Variants in BTNL2 observed in about 807,000 individuals in gnomAD.
BTNL2 encodes butyrophilin like 2, also known as butyrophilin-like protein 2.
In BTNL2, 46 loss-of-function variants were observed where a neutral mutation model predicts 46.8. The ratio of observed to expected loss-of-function variants is 0.98; its 90% CI spans 0.78 to 1.26. The LOEUF is 1.26. BTNL2 is among the 50% of genes most tolerant of loss of function. The pLI, the probability that BTNL2 is intolerant of heterozygous loss-of-function variation, is 0.00. For missense variants in BTNL2, 461 were observed against 592.6 expected (o/e 0.78, Z 2.31); for synonymous variants, 226 against 229.1 (o/e 0.99, Z 0.12).
chr6:32,393,892 G>T lies in BTNL2; in HGVS notation c.*6+71C>A, dbSNP rs998913469. The T allele has an allele frequency of 7.3e-6, 11 of 1,505,120 alleles. No homozygotes were observed. Among genetic ancestry groups the T allele is most frequent in the Non-Finnish European group, 8.9e-7 (1 of 1,125,932 alleles). The allele number at this position is 1,505,120 out of a possible 1,614,324, so 93.2% of individuals were successfully genotyped here. A position where few individuals can be genotyped will look rare whatever the true frequency, so the allele number is the denominator to read the frequency against. On this transcript the variant is annotated intron_variant, in intron 7 of 7. Coordinates refer to ENST00000454136, the MANE Select transcript of BTNL2 (RefSeq NM_001304561.2). The surrounding 1 kb of genome is among the most constrained non-coding windows in gnomAD (Gnocchi z 4.8). ...CCTCCCATAGGTGACTTGTGAAAAG[G>T]GAGGCTCGGGGAAGTACGCAGTACG... is the stretch of plus-strand genomic sequence containing the variant.
intron 5 of BTNL2, 87 bp downstream of exon 5, chr6:32,395,952 C>G: frequency 8.9e-7 from 1 of 1,128,334 alleles, no homozygotes. Context: ...AAGAAAATTT[C>G]AAATGTCAGA....
In BTNL2 at chr6:32,394,936, G is replaced by A; in HGVS notation, c.1168C>T (p.Pro390Ser). The A allele has an allele frequency of 6.2e-7, 1 of 1,614,178 alleles. No homozygotes were observed. The highest frequency in any genetic ancestry group is 1.1e-5 in the South Asian group (1 of 91,080). The change falls in exon 6 of 8, where the codon CCC (proline) becomes TCC (serine). Residue 390 changes from proline to serine, a missense_variant. Pro to Ser is a moderately conservative substitution (Grantham distance 74). Transcript: ENST00000454136. This position sits in a 1 kb window ranked among gnomAD's most constrained non-coding sequence, Gnocchi z 4.6. Reference sequence around the variant, plus strand: ...TCCATGTCCCTCCATGGCACGTGGGGCTGTGGGAACCACCCATCTGAAGAG... The same window carrying A: ...TCCATGTCCCTCCATGGCACGTGGGACTGTGGGAACCACCCATCTGAAGAG... ...MCSSDGWFPQ[P>S]HVPWRDMEGK...
intron 1 of BTNL2, 125 bp downstream of exon 1, chr6:32,406,920 G>T: frequency 1.2e-6 from 1 of 819,790 alleles, no homozygotes; most frequent in Non-Finnish European, 2.0e-6. Context: ...AAAGTGAGGA[G>T]TTCCTTTTTG....
intron 1 of BTNL2, 156 bp downstream of exon 1, chr6:32,406,889 T>C (rs1777186863): frequency 1.6e-6 from 1 of 630,864 alleles, no homozygotes; most frequent in Non-Finnish European, 2.8e-6. Context: ...GAGGAGCTCC[T>C]GGGAGTGGAG....
At chr6:32,400,552 G>A (rs1051869930) in intron 4 of BTNL2, among the ~76,000 whole-genome samples, 7 of 152,010 alleles carry the variant, frequency 4.6e-5, no homozygotes, top group African/African-American at 1.7e-4. Context: ...GGCTGGTTAT[G>A]TTTTAAACCA....
intron 2 of BTNL2, among the ~76,000 whole-genome samples, chr6:32,404,088 C>T (rs116109251): frequency 0.1 from 15,854 of 151,694 alleles, 958 homozygotes; most frequent in East Asian, 0.2. Flanking sequence ...ACCTTGAACA[C>T]AGTAACAGTA....
rs1176464040 is a variant in BTNL2 at position 32,393,967 on chromosome 6, T to G, written c.*2A>C. On this transcript the variant is annotated 3_prime_UTR_variant, in exon 7 of 8. Transcript: ENST00000454136. The surrounding 1 kb of genome is among the most constrained non-coding windows in gnomAD (Gnocchi z 4.8). Reference sequence around the variant, plus strand: ...GTTTCTGTTTCCCTGACTTACCTCTTTTCAGCTCCTCTTCCTGGGCAGGCC... The same window carrying G: ...GTTTCTGTTTCCCTGACTTACCTCTGTTCAGCTCCTCTTCCTGGGCAGGCC... The G allele has an allele frequency of 4.0e-6, 6 of 1,507,494 alleles. 1 individual carries two copies. The South Asian group carries it at 7.3e-5, about 18-fold the overall frequency. 93.4% of individuals were successfully genotyped at this position (1,507,494 alleles called of 1,614,324 possible).
In BTNL2 at chr6:32,402,966, A is replaced by G. The variant is rs773205553; in HGVS notation, c.678T>C (p.Thr226=). The G allele has an allele frequency of 1.9e-6, 3 of 1,612,954 alleles. No homozygotes were observed. The African/African-American group carries it at 4.0e-5, about 22-fold the overall frequency. ...VSCLVHNPVL[T]EEKGSVISLP... ...GGCTGATGACCGACCCCTTCTCCTC[A>G]GTGAGGACGGGGTTGTGGACCAAGC... is the stretch of plus-strand genomic sequence containing the variant. The change falls in exon 3 of 8, where the codon ACT becomes ACC. Residue 226 remains threonine, a synonymous_variant. Coordinates refer to ENST00000454136, the MANE Select transcript of BTNL2 (RefSeq NM_001304561.2).
At chr6:32,395,491 C>T (rs879831925) in intron 5 of BTNL2, among the ~76,000 whole-genome samples, 6 of 152,202 alleles carry the variant, frequency 3.9e-5, no homozygotes, top group South Asian at 2.1e-4. Flanking sequence ...GGGAGAAACA[C>T]GTAGCATATC....
chr6:32,395,716 T>C (rs116897665), intron 5 of BTNL2, among the ~76,000 whole-genome samples: 2,668 of 152,294 alleles, frequency 0.018, 78 homozygotes, highest in East Asian at 0.11. Context: ...ATTGCATTTC[T>C]CAGAATTCTA....
chr6:32,397,657 A>G (rs1048517800), intron 4 of BTNL2, among the ~76,000 whole-genome samples: 1 of 152,238 alleles, frequency 6.6e-6, no homozygotes, highest in Non-Finnish European at 1.5e-5. Context: ...TACCAAAATC[A>G]TAATGTTTCA....
chr6:32,395,945 A>G (rs17202449), intron 5 of BTNL2, 94 bp downstream of exon 5: 64,849 of 1,060,502 alleles, frequency 0.061, 2,413 homozygotes, highest in Admixed American at 0.077. Context: ...AAGCATTAAG[A>G]AAATTTCAAA....
Position 32,403,030 on chromosome 6 carries a change from G to A in BTNL2, c.614C>T (p.Thr205Ile). 1 of 1,612,892 alleles carries A rather than the reference G, an allele frequency of 6.2e-7. No homozygotes were observed. The highest frequency in any genetic ancestry group is 2.2e-5 in the East Asian group (1 of 44,858). Reference protein sequence around the residue: ...DKDGLFYAEATLVVRNASAES... With the variant: ...DKDGLFYAEAILVVRNASAES... ...TGCAGAGGCGTTCCTGACCACCAGG[G>A]TGGCTTCCGCATAGAACAGGCCATC... Residue 205 changes from threonine to isoleucine, a missense_variant, in exon 3 of 8, where the codon ACC becomes ATC. Thr to Ile is a moderately conservative substitution (Grantham distance 89). Transcript: ENST00000454136.
At chr6:32,395,239 G>A (rs1428886650) in intron 5 of BTNL2, among the ~76,000 whole-genome samples, 1 of 152,020 alleles carries the variant, frequency 6.6e-6, no homozygotes, top group Non-Finnish European at 1.5e-5. Flanking sequence ...AATCATTCTG[G>A]GATGATTAAG....
At position 32,405,821 on chromosome 6, in the gene BTNL2, T is replaced by TG. The variant is rs1554226010; in HGVS notation, c.80-536_80-535insC. 9.6e-5 allele frequency among the ~76,000 whole-genome samples: 14 copies of TG among 146,268 alleles called. No individual in the cohort carries two copies. In the South Asian group the frequency reaches 2.5e-3, roughly 26 times the overall value. ...ATATAAAAACTGTTTTTTTTTTGTT[T>TG]TTTTTTTGTTTGTTTTTTTCCCGTC... is the stretch of plus-strand genomic sequence containing the variant. On this transcript the variant is annotated intron_variant, in intron 1 of 7. Transcript: ENST00000454136.
In BTNL2 at chr6:32,393,961, AC is replaced by A. The variant is rs770662597; in HGVS notation, c.*6+1del. 46 of 1,545,150 alleles carry A rather than the reference AC, an allele frequency of 3.0e-5. 1 individual carries two copies. The South Asian group carries it at 4.4e-4, about 15-fold the overall frequency. ...TCCGCTGTTTCTGTTTCCCTGACTT[AC>A]CTCTTTTCAGCTCCTCTTCCTGGGC... On this transcript the variant is annotated splice_donor_variant, in intron 7 of 7. Coordinates refer to ENST00000454136, the MANE Select transcript of BTNL2 (RefSeq NM_001304561.2). LOFTEE classifies it low-confidence loss of function (3UTR_SPLICE). This position sits in a 1 kb window ranked among gnomAD's most constrained non-coding sequence, Gnocchi z 4.8.
rs1475971795 is a variant in BTNL2, at chr6:32,396,059, C to G, written c.1058G>C (p.Ser353Thr). The stretch of plus-strand genomic sequence containing the variant: ...CTTACTTACCACCTTCAGATCCAAA[C>G]TGGCCTCCTGGTAGACATCATCTTT... ...FEKDDVYQEA[S>T]LDLKVVSLGS... Residue 353 changes from serine to threonine, a missense_variant, in exon 5 of 8, where the codon AGT becomes ACT. Coordinates refer to ENST00000454136, the MANE Select transcript of BTNL2 (RefSeq NM_001304561.2). The surrounding 1 kb of genome is among the most constrained non-coding windows in gnomAD (Gnocchi z 4.4). 10 of 1,612,724 alleles carry G rather than the reference C, an allele frequency of 6.2e-6. No homozygotes were observed. Among genetic ancestry groups the G allele is most frequent in the Non-Finnish European group, 8.5e-6 (10 of 1,179,776 alleles).
chr6:32,394,679 G>T lies in BTNL2; in HGVS notation c.1360+65C>A. 1 of 1,500,138 alleles carries T rather than the reference G, an allele frequency of 6.7e-7. No individual in the cohort carries two copies. The highest frequency in any genetic ancestry group is 9.1e-7 in the Non-Finnish European group (1 of 1,098,174). 92.9% of individuals were successfully genotyped at this position (1,500,138 alleles called of 1,614,324 possible). A position where few individuals can be genotyped will look rare whatever the true frequency, so the allele number is the denominator to read the frequency against. On this transcript the variant is annotated intron_variant, in intron 6 of 7. Coordinates refer to ENST00000454136, the MANE Select transcript of BTNL2 (RefSeq NM_001304561.2). The surrounding 1 kb of genome is among the most constrained non-coding windows in gnomAD (Gnocchi z 4.6). ...CACAAAGGAAGAAGAGCAATACAATGAGTAAGTCTGAGTTGGTCTTCATAT... is the reference window on the plus strand; with the variant it reads ...CACAAAGGAAGAAGAGCAATACAATTAGTAAGTCTGAGTTGGTCTTCATAT...
intron 5 of BTNL2, 99 bp downstream of exon 5, chr6:32,395,940 T>C: frequency 1.1e-6 from 1 of 950,494 alleles, no homozygotes; most frequent in Admixed American, 2.6e-5. Context: ...TGAATAAGCA[T>C]TAAGAAAATT....
Sources: allele counts gnomAD v4.1 joint callset (sites outside exome capture counted in the v4.1 genomes callset), GRCh38; gene constraint gnomAD v4.1.1; non-coding constraint Gnocchi (gnomAD v3.1); transcripts MANE v1.5; gene names NCBI Gene and HGNC (gene_info 2026-07-23, HGNC 2026-07-21).